Variants in SLC4A10 observed in about 807,000 individuals in gnomAD.
SLC4A10 encodes sodium-driven chloride bicarbonate exchanger.
SLC4A10 carries 42 observed loss-of-function variants against 137.7 expected under a neutral mutation model. The ratio of observed to expected loss-of-function variants is 0.30; its 90% CI spans 0.24 to 0.39. SLC4A10 has a LOEUF of 0.39. Ranked by LOEUF, SLC4A10 falls within the 10% of genes least tolerant of loss-of-function variation. The probability of loss-of-function intolerance (pLI) is 1.00; values close to 1 mark genes in which losing one functional copy is unlikely to be tolerated. For synonymous variants in SLC4A10, 474 were observed against 464.1 expected, an observed-to-expected ratio of 1.02 and a Z score of -0.27; for missense variants, 925 against 1,355.0, an observed-to-expected ratio of 0.68 and a Z score of 4.98.
chr2:161,741,264 A>C (rs954123957), intron 1 of SLC4A10, among the ~76,000 whole-genome samples: 7 of 151,676 alleles, frequency 4.6e-5, no homozygotes, highest in Admixed American at 2.6e-4. Flanking sequence ...CTCTCAAAAA[A>C]AAAAAAAAAA....
At chr2:161,666,519 T>G (rs1284293447) in intron 1 of SLC4A10, among the ~76,000 whole-genome samples, 1 of 151,790 alleles carries the variant, frequency 6.6e-6, no homozygotes, top group Non-Finnish European at 1.5e-5. Flanking sequence ...GTCTACTACC[T>G]AATTAACATA....
At chr2:161,745,169 T>A (rs1426714451) in intron 1 of SLC4A10, among the ~76,000 whole-genome samples, 11 of 152,168 alleles carry the variant, frequency 7.2e-5, no homozygotes, top group Admixed American at 7.2e-4. Context: ...CTCGCTACCT[T>A]CTCTTTAAGG....
chr2:161,953,214 A>G (rs551785146), intron 19 of SLC4A10, among the ~76,000 whole-genome samples: 2 of 152,106 alleles, frequency 1.3e-5, no homozygotes, highest in Non-Finnish European at 2.9e-5. Context: ...TTCATTCTTT[A>G]TCTCTCCCAA....
chr2:161,823,711 A>G (rs917403231), intron 3 of SLC4A10, among the ~76,000 whole-genome samples: 3 of 152,372 alleles, frequency 2.0e-5, no homozygotes, highest in South Asian at 2.1e-4. Context: ...AATACAGTAA[A>G]GTACTGTAAG....
chr2:161,943,381 C>T (rs2105766161), intron 16 of SLC4A10, among the ~76,000 whole-genome samples: 1 of 152,158 alleles, frequency 6.6e-6, no homozygotes, highest in African/African-American at 2.4e-5. Context: ...CCTCCCTCAA[C>T]AAGATCTTTC....
In SLC4A10 at chr2:161,957,207, G is replaced by A; in HGVS notation, c.2760G>A (p.Met920Ile). The A allele has an allele frequency of 1.2e-6, 2 of 1,613,514 alleles. No homozygotes were observed. Among genetic ancestry groups the A allele is most frequent in the East Asian group, 2.2e-5 (1 of 44,868 alleles). ...RVTGLMIFIL[M>I]GSSVFMTSIL... ...CTGGGCTTATGATTTTTATTCTTAT[G>A]GGTTCATCAGTCTTTATGACCAGTA... The change falls in exon 20 of 27, where the codon ATG (methionine) becomes ATA (isoleucine). Residue 920 changes from methionine to isoleucine, a missense_variant. Met to Ile is a conservative substitution (Grantham distance 10). This residue lies in a region of SLC4A10 where 115 missense variants were observed against 237.5 expected (regional missense o/e 0.48). Coordinates refer to ENST00000446997, the MANE Select transcript of SLC4A10 (RefSeq NM_001178015.2).
chr2:161,660,565 T>TTTCTTTCTTTCTTTCC (rs2038167423), intron 1 of SLC4A10, among the ~76,000 whole-genome samples: 10 of 82,098 alleles, frequency 1.2e-4, no homozygotes, highest in African/African-American at 3.4e-4. Flanking sequence ...TATTTCTTTC[T>TTTCTTTCTTTCTTTCC]TTCTTTCTTT....
intron 5 of SLC4A10, among the ~76,000 whole-genome samples, chr2:161,857,295 G>C (rs1318337540): frequency 6.6e-6 from 1 of 152,118 alleles, no homozygotes; most frequent in Non-Finnish European, 1.5e-5. Context: ...TTGACGTCTT[G>C]ATACCCTAAA....
chr2:161,701,329 G>T (rs571606322), intron 1 of SLC4A10, among the ~76,000 whole-genome samples: 2 of 152,042 alleles, frequency 1.3e-5, no homozygotes, highest in African/African-American at 2.4e-5. Context: ...AATTTAAAAA[G>T]ACAAAACCTG....
intron 1 of SLC4A10, among the ~76,000 whole-genome samples, chr2:161,716,510 G>A (rs1057082337): frequency 6.6e-6 from 1 of 151,992 alleles, no homozygotes; most frequent in Admixed American, 6.6e-5. Context: ...TTTTGTAAAA[G>A]ATGTAAGGAA....
intron 2 of SLC4A10, among the ~76,000 whole-genome samples, chr2:161,803,438 A>G (rs975083763): frequency 2.6e-5 from 4 of 152,130 alleles, no homozygotes; most frequent in African/African-American, 7.2e-5. Context: ...GTCTGGACAA[A>G]TGTTTAATGA....
At chr2:161,925,189 G>C (rs1186116394) in intron 15 of SLC4A10, among the ~76,000 whole-genome samples, 1 of 152,110 alleles carries the variant, frequency 6.6e-6, no homozygotes, top group Non-Finnish European at 1.5e-5. Flanking sequence ...GACTCTTTTT[G>C]GTTGGTAAGC....
chr2:161,625,687 A>C (rs1391292908), intron 1 of SLC4A10, among the ~76,000 whole-genome samples: 1 of 151,802 alleles, frequency 6.6e-6, no homozygotes, highest in Non-Finnish European at 1.5e-5. Context: ...TCAGGGCCTT[A>C]CCTCTCCTGC....
At chr2:161,790,700 C>G (rs1366864770) in intron 2 of SLC4A10, among the ~76,000 whole-genome samples, 1 of 152,062 alleles carries the variant, frequency 6.6e-6, no homozygotes, top group African/African-American at 2.4e-5. Flanking sequence ...CTGTGCACAT[C>G]TTATAATAAA....
intron 4 of SLC4A10, among the ~76,000 whole-genome samples, chr2:161,843,989 A>G (rs2059343455): frequency 6.6e-6 from 1 of 152,166 alleles, no homozygotes. Flanking sequence ...AAACCCTAAA[A>G]GAAGCCATAT....
At chr2:161,962,148 C>A (rs1696833993) in intron 21 of SLC4A10, among the ~76,000 whole-genome samples, 1 of 152,170 alleles carries the variant, frequency 6.6e-6, no homozygotes, top group Non-Finnish European at 1.5e-5. Context: ...TCTATGTTAC[C>A]TGCTTGTTTG....
chr2:161,787,797 T>A (rs1386724355), intron 2 of SLC4A10, among the ~76,000 whole-genome samples: 1 of 152,152 alleles, frequency 6.6e-6, no homozygotes, highest in East Asian at 1.9e-4. Context: ...AGCTATCTTG[T>A]CTTTCATTTT....
At chr2:161,767,778 C>T (rs1029894346) in intron 1 of SLC4A10, among the ~76,000 whole-genome samples, 3 of 152,066 alleles carry the variant, frequency 2.0e-5, no homozygotes, top group Non-Finnish European at 4.4e-5. Context: ...TCAACTTCTT[C>T]ATTTACTTGC....
At chr2:161,980,790 G>C (rs1014141751) in intron 26 of SLC4A10, among the ~76,000 whole-genome samples, 2 of 152,196 alleles carry the variant, frequency 1.3e-5, no homozygotes, top group Non-Finnish European at 2.9e-5. Context: ...CAGGGACAGG[G>C]ACACTCTTAT....
Sources: gnomAD v4.1 joint callset for allele counts (sites outside exome capture counted in the v4.1 genomes callset) on GRCh38, gnomAD v4.1.1 for gene constraint, gnomAD v4.1.1 regional missense constraint, MANE v1.5 for transcripts, NCBI Gene and HGNC (gene_info 2026-07-23, HGNC 2026-07-21) for gene names.